The following USP3 variants were observed in gnomAD, a reference collection of about 807,000 sequenced individuals.
USP3 encodes the protein ubiquitin specific peptidase 3.
USP3 carries 20 observed loss-of-function variants against 72.3 expected under a neutral mutation model. That is an observed-to-expected ratio of 0.28 (90% CI 0.19 to 0.40). The LOEUF (loss-of-function observed/expected upper bound fraction) is 0.40. USP3 is among the 10% of genes least tolerant of loss of function. The pLI is 1.00. For synonymous variants in USP3, 222 were observed against 225.3 expected (o/e 0.99, Z 0.13); for missense variants, 479 against 633.9 (o/e 0.76, Z 2.62).
chr15:63,572,225 A>G (rs982421641), intron 9 of USP3, among the ~76,000 whole-genome samples: 1 of 152,208 alleles, frequency 6.6e-6, no homozygotes, highest in Non-Finnish European at 1.5e-5. Context: ...CTTGATGAGT[A>G]TCCATTTCCC....
chr15:63,548,071 A>G, intron 3 of USP3, among the ~76,000 whole-genome samples: 1 of 132,054 alleles, frequency 7.6e-6, no homozygotes, highest in Non-Finnish European at 1.6e-5. Context: ...AGATGGGGCC[A>G]CTGCAATCCA....
chr15:63,570,441 A>C lies in USP3; in HGVS notation c.770A>C (p.Gln257Pro). The C allele has an allele frequency of 1.2e-6, 2 of 1,614,140 alleles. No individual in the cohort carries two copies. The highest frequency in any genetic ancestry group is 1.7e-6 in the Non-Finnish European group (2 of 1,180,040). Residue 257 changes from glutamine (Q) to proline (P), a missense_variant, in exon 9 of 15, where the codon CAA (glutamine) becomes CCA (proline). Transcript: ENST00000380324. The surrounding 1 kb of genome is among the most constrained non-coding windows in gnomAD (Gnocchi z 4.4). ...CTGTTTGTTTGCTTTAGGGGCTATCAACAGCAGGACGCCCATGAATTCATG... is the reference window on the plus strand; with the variant it reads ...CTGTTTGTTTGCTTTAGGGGCTATCCACAGCAGGACGCCCATGAATTCATG... ...WKIMPNFRGY[Q>P]QQDAHEFMRY...
chr15:63,510,876 A>G (rs1410877605), intron 1 of USP3, among the ~76,000 whole-genome samples: 2 of 152,196 alleles, frequency 1.3e-5, no homozygotes, highest in Non-Finnish European at 2.9e-5. Flanking sequence ...TGAGACTGAA[A>G]AGAAATTCAC....
chr15:63,584,345 G>C (rs374607833), intron 11 of USP3, among the ~76,000 whole-genome samples: 1 of 152,010 alleles, frequency 6.6e-6, no homozygotes, highest in Non-Finnish European at 1.5e-5. Context: ...TGATCTACCC[G>C]CCTCGGCCTC....
At chr15:63,560,153 C>T (rs1023841890) in intron 7 of USP3, among the ~76,000 whole-genome samples, 183 bp downstream of exon 7, 2 of 152,166 alleles carry the variant, frequency 1.3e-5, no homozygotes, top group Admixed American at 1.3e-4. Flanking sequence ...GGTGTGGTGG[C>T]TCACGCCTGT....
intron 7 of USP3, among the ~76,000 whole-genome samples, chr15:63,561,021 A>G (rs2066599898): frequency 6.6e-6 from 1 of 152,080 alleles, no homozygotes; most frequent in African/African-American, 2.4e-5. Flanking sequence ...GTCACAGTGC[A>G]GGGAAACTGG....
chr15:63,516,049 A>G (rs1024303345), intron 1 of USP3, among the ~76,000 whole-genome samples: 3 of 152,204 alleles, frequency 2.0e-5, no homozygotes, highest in African/African-American at 7.2e-5. Context: ...CCATTTCCCA[A>G]TATAATTAGA....
chr15:63,581,039 C>T (rs1374617033), intron 11 of USP3, among the ~76,000 whole-genome samples: 4 of 152,064 alleles, frequency 2.6e-5, no homozygotes, highest in Non-Finnish European at 5.9e-5. Flanking sequence ...CTCCTGACCT[C>T]GAGTGATCTG....
chr15:63,590,533 T>G (rs2152685663), intron 14 of USP3, 128 bp from the exon 15 acceptor site: 1 of 952,398 alleles, frequency 1.0e-6, no homozygotes, highest in South Asian at 3.1e-5. Flanking sequence ...AACATTAATT[T>G]AACAAGCATC....
At position 63,547,765 on chromosome 15, in the gene USP3, A is replaced by G. The variant is rs908363021; in HGVS notation, c.285-5950A>G. Among the ~76,000 whole-genome samples, 98 of 10,556 alleles carry G rather than the reference A, an allele frequency of 9.3e-3. 1 individual carries two copies. Among genetic ancestry groups the G allele is most frequent in the African/African-American group, 0.059 (73 of 1,240 alleles). 6.9% of individuals were successfully genotyped at this position (10,556 alleles called of 152,430 possible). A position where few individuals can be genotyped will look rare whatever the true frequency, so the allele number is the denominator to read the frequency against. On this transcript the variant is annotated intron_variant, in intron 3 of 14. Transcript: ENST00000380324. ...GAGAGGGAGGGAGGGAGGGAGGGAG[A>G]GAGAGAGAGAGAGAGAGAGAGAGAG...
At chr15:63,578,641 A>G (rs113785423) in intron 11 of USP3, among the ~76,000 whole-genome samples, 4,998 of 151,914 alleles carry the variant, frequency 0.033, 103 homozygotes, top group Middle Eastern at 0.099. Flanking sequence ...AGAAAAAAAA[A>G]AGAAATGTTA....
intron 11 of USP3, among the ~76,000 whole-genome samples, chr15:63,584,959 C>T (rs796904107): frequency 9.2e-5 from 14 of 152,232 alleles, no homozygotes; most frequent in African/African-American, 3.1e-4. Flanking sequence ...CTTAATTCTT[C>T]TGCATGTTGA....
chr15:63,519,386 A>T (rs2065889750), intron 1 of USP3, among the ~76,000 whole-genome samples: 1 of 147,248 alleles, frequency 6.8e-6, no homozygotes, highest in Non-Finnish European at 1.5e-5. Flanking sequence ...TGAAGAGTTC[A>T]TTTCAGTTAT....
chr15:63,572,384 T>A (rs1173559634), intron 9 of USP3, among the ~76,000 whole-genome samples: 1 of 151,860 alleles, frequency 6.6e-6, no homozygotes, highest in Non-Finnish European at 1.5e-5. Context: ...GGGTTTTGTT[T>A]TTTTTTTTGC....
At chr15:63,548,668 T>C (rs1173008161) in intron 3 of USP3, among the ~76,000 whole-genome samples, 1 of 152,164 alleles carries the variant, frequency 6.6e-6, no homozygotes, top group Admixed American at 6.5e-5. Flanking sequence ...GGAGTCTTGC[T>C]ATGTTGCCCA....
intron 11 of USP3, among the ~76,000 whole-genome samples, chr15:63,585,866 A>C (rs1456040708): frequency 9.4e-6 from 1 of 106,590 alleles, no homozygotes; most frequent in African/African-American, 3.6e-5. Context: ...TGTATTTGCT[A>C]TTCTTGGTCT....
chr15:63,570,983 T>C lies in USP3; in HGVS notation c.908+404T>C, dbSNP rs1001089119. ...TTTGAATGTGAACTTTCCTAAAGCTTCATTATGGACTTGAACTTTCCTAAA... is the reference window on the plus strand; with the variant it reads ...TTTGAATGTGAACTTTCCTAAAGCTCCATTATGGACTTGAACTTTCCTAAA... On this transcript the variant is annotated intron_variant, in intron 9 of 14. Coordinates refer to ENST00000380324, the MANE Select transcript of USP3 (RefSeq NM_006537.4). This position sits in a 1 kb window ranked among gnomAD's most constrained non-coding sequence, Gnocchi z 4.4. Among the ~76,000 whole-genome samples the C allele has an allele frequency of 6.6e-6, 1 of 152,230 alleles. No homozygotes were observed. The highest frequency in any genetic ancestry group is 2.4e-5 in the African/African-American group (1 of 41,454).
chr15:63,519,997 A>C (rs1475804509), intron 1 of USP3, among the ~76,000 whole-genome samples: 2 of 152,084 alleles, frequency 1.3e-5, no homozygotes, highest in African/African-American at 4.8e-5. Context: ...ACTTTCTCGC[A>C]CAAGATGTTC....
chr15:63,547,753 GGAGGGAGGGAGAGAGAGAGAGAGA>G (rs1481238369), intron 3 of USP3, among the ~76,000 whole-genome samples: 517 of 40,266 alleles, frequency 0.013, 40 homozygotes, highest in African/African-American at 0.04. Context: ...AGGGAGGGAG[GGAGGGAGGGAGAGAGAGAGAGAGA>G]GAGAGAGAGA....
Sources: gnomAD v4.1 joint callset for allele counts (sites outside exome capture counted in the v4.1 genomes callset) on GRCh38, gnomAD v4.1.1 for gene constraint, Gnocchi (gnomAD v3.1) non-coding constraint, MANE v1.5 for transcripts, NCBI Gene and HGNC (gene_info 2026-07-23, HGNC 2026-07-21) for gene names.